CIZ1: variants seen among roughly 807,000 people sequenced by gnomAD.
CIZ1 encodes the protein cip1-interacting zinc finger protein.
Under a neutral mutation model 118.6 loss-of-function variants are expected in CIZ1, and 58 were observed. The ratio of observed to expected loss-of-function variants is 0.49; its 90% confidence interval spans 0.40 to 0.61. CIZ1 has a LOEUF of 0.61. CIZ1 is among the 20% of genes least tolerant of loss of function. CIZ1 has a pLI of 0.00. For synonymous variants in CIZ1, 448 were observed against 443.4 expected (o/e 1.01, Z -0.13); for missense variants, 921 against 1,115.9 (o/e 0.83, Z 2.49).
At position 128,179,064 on chromosome 9, in the gene CIZ1, T is replaced by G. The variant is rs878859520; in HGVS notation, c.1143A>C (p.Pro381=). ...PQKQVQPQVQ[P]QAHSQGPRQV... is the part of the protein sequence containing the mutation. ...GCCTTGGGCCCTGTGAATGTGCCTG[T>G]GGCTGTACCTGTGGCTGCACCTGCT... The change falls in exon 8 of 17, where the codon CCA becomes CCC. Residue 381 remains proline, a synonymous_variant. Coordinates refer to ENST00000372938, the MANE Select transcript of CIZ1 (RefSeq NM_001131016.2). 1 of 1,613,062 alleles carries G rather than the reference T, an allele frequency of 6.2e-7. No homozygotes were observed. The highest frequency in any genetic ancestry group is 8.5e-7 in the Non-Finnish European group (1 of 1,179,210).
chr9:128,185,129 T>C (rs896080554), intron 5 of CIZ1, among the ~76,000 whole-genome samples: 8 of 151,994 alleles, frequency 5.3e-5, no homozygotes, highest in African/African-American at 1.9e-4. Context: ...AAATACAAAA[T>C]TAGCTGGGCG....
chr9:128,174,105 GA>G (rs1257862045), intron 11 of CIZ1, among the ~76,000 whole-genome samples: 2 of 152,138 alleles, frequency 1.3e-5, no homozygotes, highest in Non-Finnish European at 2.9e-5. Flanking sequence ...GAGGAGGGAG[GA>G]GACGGGCACC....
upstream of CIZ1, among the ~76,000 whole-genome samples, chr9:128,192,990 C>T (rs112841260): frequency 6.5e-4 from 99 of 152,324 alleles, no homozygotes; most frequent in Non-Finnish European, 1.0e-3. Flanking sequence ...GCAGGCGGAG[C>T]GCGTTGACGG....
At chr9:128,188,938 A>G (rs1312312404) in intron 3 of CIZ1, among the ~76,000 whole-genome samples, 1 of 152,136 alleles carries the variant, frequency 6.6e-6, no homozygotes, top group Non-Finnish European at 1.5e-5. Context: ...AGCTGGGACT[A>G]CAGGTGCACA....
chr9:128,203,663 C>T lies in CIZ1; in HGVS notation c.-6+523G>A. 1 of 1,489,606 alleles carries T rather than the reference C, an allele frequency of 6.7e-7. No homozygotes were observed. Among genetic ancestry groups the T allele is most frequent in the Middle Eastern group, 2.4e-4 (1 of 4,122 alleles). The allele number at this position is 1,489,606 out of a possible 1,614,324, so 92.3% of individuals were successfully genotyped here. A position where few individuals can be genotyped will look rare whatever the true frequency, so the allele number is the denominator to read the frequency against. ...GCGGCGCGCCCCCAGGCGCCGACCC[C>T]CGACCCCCGGGATCCCTGGAGTCCC... On this transcript the variant is annotated intron_variant, in intron 1 of 17. Coordinates refer to the CIZ1 transcript ENST00000372948. The surrounding 1 kb of genome is among the most constrained non-coding windows in gnomAD (Gnocchi z 5.3).
chr9:128,193,892 C>T (rs1246533123), upstream of CIZ1, among the ~76,000 whole-genome samples: 1 of 152,116 alleles, frequency 6.6e-6, no homozygotes, highest in Non-Finnish European at 1.5e-5. Context: ...TGCCCCCTCC[C>T]GGGGTGGTAA....
intron 11 of CIZ1, among the ~76,000 whole-genome samples, chr9:128,174,221 C>T (rs1830585908): frequency 6.6e-6 from 1 of 152,206 alleles, no homozygotes; most frequent in African/African-American, 2.4e-5. Flanking sequence ...GTAGAGCTGG[C>T]CTGCCTAGGC....
At position 128,166,976 on chromosome 9, in the gene CIZ1, C is replaced by A; in HGVS notation, c.2366-96G>T. The A allele has an allele frequency of 1.2e-6, 2 of 1,602,724 alleles. No individual in the cohort carries two copies. The highest frequency in any genetic ancestry group is 2.7e-5 in the African/African-American group (2 of 74,836). On this transcript the variant is annotated intron_variant, in intron 15 of 16. Transcript: ENST00000372938. This position sits in a 1 kb window ranked among gnomAD's most constrained non-coding sequence, Gnocchi z 4.4. ...CCCATGTGCTCCCCAACCCTCTAGGCAGGGGCAGAAGAGAAGGCTTCCCAG... is the reference window on the plus strand; with the variant it reads ...CCCATGTGCTCCCCAACCCTCTAGGAAGGGGCAGAAGAGAAGGCTTCCCAG...
rs201038278 is a variant in CIZ1, at chr9:128,187,904, G to A, written c.317C>T (p.Thr106Met). The change falls in exon 4 of 17, where the codon ACG becomes ATG. Residue 106 changes from threonine (T) to methionine (M), a missense_variant. Coordinates refer to ENST00000372938, the MANE Select transcript of CIZ1 (RefSeq NM_001131016.2). ...CATGGTGAGACCGGCAGTGTCATAC[G>A]TGGCTGGTGGCATTGCAAACTGGTC... ...GLDQFAMPPATYDTAGLTMPT... is the reference protein window; with the variant it reads ...GLDQFAMPPAMYDTAGLTMPT... 1.2e-5 allele frequency: 9 copies of A among 756,546 alleles called. No individual in the cohort carries two copies. Among genetic ancestry groups the A allele is most frequent in the African/African-American group, 5.1e-5 (3 of 58,520 alleles). The allele number at this position is 756,546 out of a possible 1,614,324, so 46.9% of individuals were successfully genotyped here. A position where few individuals can be genotyped will look rare whatever the true frequency, so the allele number is the denominator to read the frequency against.
In CIZ1 at chr9:128,191,554, G is replaced by T. The variant is rs931834442; in HGVS notation, c.-128C>A. ...TCCCGGCCTCCCCGCTGCTACTCCG[G>T]GGCCTGTGGGCTCGTAAGGCCCAAA... On this transcript the variant is annotated 5_prime_UTR_variant, in exon 1 of 17. Transcript: ENST00000372938. This position sits in a 1 kb window ranked among gnomAD's most constrained non-coding sequence, Gnocchi z 5.5. 2 of 1,071,188 alleles carry T rather than the reference G, an allele frequency of 1.9e-6. No individual in the cohort carries two copies. The highest frequency in any genetic ancestry group is 3.3e-5 in the African/African-American group (2 of 60,072). The allele number at this position is 1,071,188 out of a possible 1,614,324, so 66.4% of individuals were successfully genotyped here. A position where few individuals can be genotyped will look rare whatever the true frequency, so the allele number is the denominator to read the frequency against.
intron 11 of CIZ1, among the ~76,000 whole-genome samples, chr9:128,171,056 G>C (rs909123976): frequency 6.6e-6 from 1 of 152,074 alleles, no homozygotes; most frequent in Non-Finnish European, 1.5e-5. Flanking sequence ...AGCCCAGGAG[G>C]TCGAGGCTGC....
chr9:128,199,138 T>C (rs1281815692), intron 1 of CIZ1, among the ~76,000 whole-genome samples: 6 of 150,744 alleles, frequency 4.0e-5, no homozygotes, highest in African/African-American at 1.2e-4. Context: ...GAGGCCGAGG[T>C]GAGTGGATCA....
upstream of CIZ1, chr9:128,191,612 G>A: frequency 1.6e-5 from 19 of 1,203,158 alleles, no homozygotes; most frequent in Non-Finnish European, 2.0e-5. The surrounding 1 kb of genome is among the most constrained non-coding windows in gnomAD (Gnocchi z 5.5). Context: ...AGCGCCCTCT[G>A]GGGGACGGGA....
rs45545033 is a variant in CIZ1, at chr9:128,185,739, G to A, written c.396C>T (p.Leu132=). The A allele has an allele frequency of 6.5e-3, 10,518 of 1,613,414 alleles. 578 individuals are homozygous for A. The African/African-American group carries it at 0.12, about 19-fold the overall frequency. ...LRGYGMASPG[L]AAPSLTPPQL... is the part of the protein sequence containing the mutation. ...GTGGGGGTGTGAGGCTGGGGGCTGC[G>A]AGGCCTGGGGATGCCATGCCATAGC... is the stretch of plus-strand genomic sequence containing the variant. Residue 132 remains leucine, a synonymous_variant, in exon 5 of 17, where the codon CTC becomes CTT. Coordinates refer to ENST00000372938, the MANE Select transcript of CIZ1 (RefSeq NM_001131016.2).
intron 1 of CIZ1, among the ~76,000 whole-genome samples, chr9:128,199,316 A>G (rs1328210752): frequency 6.6e-6 from 1 of 151,688 alleles, no homozygotes; most frequent in Non-Finnish European, 1.5e-5. Context: ...TGCAGTAAGC[A>G]GAGATCATGC....
chr9:128,197,759 T>C (rs750443781), intron 1 of CIZ1: 2 of 152,236 alleles, frequency 1.3e-5, no homozygotes, highest in African/African-American at 4.8e-5. Context: ...GACAGTGCAA[T>C]GGTGATGATG....
intron 5 of CIZ1, among the ~76,000 whole-genome samples, chr9:128,182,190 G>A (rs558847716): frequency 3.9e-5 from 6 of 152,022 alleles, no homozygotes; most frequent in African/African-American, 7.2e-5. Flanking sequence ...AAATAACAGC[G>A]CAGCCCGACA....
intron 4 of CIZ1, among the ~76,000 whole-genome samples, chr9:128,186,364 G>T (rs1271146906): frequency 6.6e-6 from 1 of 151,988 alleles, no homozygotes; most frequent in African/African-American, 2.4e-5. Flanking sequence ...GGATTCTGGG[G>T]TATTCCTCAT....
intron 10 of CIZ1, among the ~76,000 whole-genome samples, chr9:128,177,184 G>T (rs1352185664): frequency 6.6e-6 from 1 of 152,118 alleles, no homozygotes; most frequent in Non-Finnish European, 1.5e-5. Flanking sequence ...CACTGTGCCC[G>T]ACCCTAAACT....
Sources: gnomAD v4.1 joint callset for allele counts (sites outside exome capture counted in the v4.1 genomes callset) on GRCh38, gnomAD v4.1.1 for gene constraint, Gnocchi (gnomAD v3.1) non-coding constraint, MANE v1.5 for transcripts, NCBI Gene and HGNC (gene_info 2026-07-23, HGNC 2026-07-21) for gene names.